Variants in SCAF8 observed in about 807,000 individuals in gnomAD.
The protein encoded by SCAF8 is SR-related CTD associated factor 8, also known as SR-related and CTD-associated factor 8.
SCAF8 carries 23 observed loss-of-function variants against 140.5 expected under a neutral mutation model. The observed-to-expected ratio is 0.16, with a 90% CI of 0.12 to 0.23. The LOEUF (loss-of-function observed/expected upper bound fraction) is 0.23, where lower values mean the gene tolerates loss of function less well. Ranked by LOEUF, SCAF8 falls within the 10% of genes least tolerant of loss-of-function variation. The probability of loss-of-function intolerance (pLI) is 1.00; values close to 1 mark genes in which losing one functional copy is unlikely to be tolerated. For missense variants in SCAF8, 1,397 were observed against 1,555.7 expected (o/e 0.90, Z 1.72); for synonymous variants, 575 against 528.9 (o/e 1.09, Z -1.20).
intron 3 of SCAF8, among the ~76,000 whole-genome samples, chr6:154,779,771 GTGTGTGTGTGTA>G (rs1452828189): frequency 5.5e-4 from 50 of 91,196 alleles, no homozygotes; most frequent in Admixed American, 2.8e-3. Context: ...GTGTGTGTGT[GTGTGTGTGTGTA>G]TATATATATA....
intron 3 of SCAF8, among the ~76,000 whole-genome samples, chr6:154,787,257 G>A (rs1777281947): frequency 6.6e-6 from 1 of 152,250 alleles, no homozygotes. Context: ...TATTTGGAAG[G>A]CTGAGATGGA....
At position 154,796,389 on chromosome 6, in the gene SCAF8, C is replaced by CTCTCTCTCTCTCTCTCTGTCTG. The variant is rs376622207; in HGVS notation, c.606+1253_606+1254insCTCTCTCTCTCTCTGTCTGTCT. 6.5e-3 allele frequency among the ~76,000 whole-genome samples: 921 copies of CTCTCTCTCTCTCTCTCTGTCTG among 140,946 alleles called. 20 individuals are homozygous for CTCTCTCTCTCTCTCTCTGTCTG. The highest frequency in any genetic ancestry group is 0.016 in the East Asian group (74 of 4,500). The allele number at this position is 140,946 out of a possible 152,430, so 92.5% of individuals were successfully genotyped here. A position where few individuals can be genotyped will look rare whatever the true frequency, so the allele number is the denominator to read the frequency against. ...TCTCTCTCTCTCTCTCTCTCTCTCT[C>CTCTCTCTCTCTCTCTCTGTCTG]TCTGTCTCTCTCTTTTTCTGACCCT... On this transcript the variant is annotated intron_variant, in intron 6 of 19. Coordinates refer to ENST00000367178, the MANE Select transcript of SCAF8 (RefSeq NM_014892.5).
chr6:154,766,866 G>C (rs148147385), intron 1 of SCAF8, among the ~76,000 whole-genome samples: 37 of 152,024 alleles, frequency 2.4e-4, no homozygotes, highest in Non-Finnish European at 3.2e-4. Context: ...AGACTTATAT[G>C]ATGTTCTATT....
intron 14 of SCAF8, among the ~76,000 whole-genome samples, chr6:154,819,850 A>G (rs1439655188): frequency 6.6e-6 from 1 of 151,958 alleles, no homozygotes. Flanking sequence ...TTAGTTGGGC[A>G]TGGTGTTGCC....
chr6:154,765,500 C>T (rs781086391), intron 1 of SCAF8, among the ~76,000 whole-genome samples: 3 of 152,114 alleles, frequency 2.0e-5, no homozygotes, highest in South Asian at 4.1e-4. Context: ...ATTTTTGTAT[C>T]CAACGAAACT....
intron 7 of SCAF8, 133 bp downstream of exon 7, chr6:154,802,280 T>G (rs752830311): frequency 3.8e-6 from 2 of 530,632 alleles, no homozygotes; most frequent in Non-Finnish European, 5.8e-6. Context: ...ACAGTCTGAA[T>G]TTTACAAAAG....
intron 3 of SCAF8, among the ~76,000 whole-genome samples, chr6:154,786,323 T>C (rs566828194): frequency 6.6e-6 from 1 of 152,192 alleles, no homozygotes; most frequent in Non-Finnish European, 1.5e-5. Context: ...CTGGGTGACA[T>C]CAGCTGATCC....
At chr6:154,814,301 GAGTGAGACCTGTCTC>G in intron 12 of SCAF8, among the ~76,000 whole-genome samples, 1 of 152,376 alleles carries the variant, frequency 6.6e-6, no homozygotes, top group Non-Finnish European at 1.5e-5. Flanking sequence ...CTGGGCAACA[GAGTGAGACCTGTCTC>G]AGAAACAAAC....
chr6:154,804,231 G>A (rs572625958), intron 8 of SCAF8, among the ~76,000 whole-genome samples: 3 of 152,152 alleles, frequency 2.0e-5, no homozygotes, highest in African/African-American at 7.2e-5. Context: ...TGGGTCTCTT[G>A]TTTCAAACAG....
At chr6:154,781,172 A>G (rs1364065569) in intron 3 of SCAF8, among the ~76,000 whole-genome samples, 7 of 152,172 alleles carry the variant, frequency 4.6e-5, no homozygotes, top group African/African-American at 2.4e-5. Context: ...AAAAATCACA[A>G]GCATTCCTAT....
chr6:154,773,680 C>T (rs1776839056), intron 1 of SCAF8, among the ~76,000 whole-genome samples: 1 of 152,184 alleles, frequency 6.6e-6, no homozygotes, highest in African/African-American at 2.4e-5. Flanking sequence ...TTTTGAGGAA[C>T]TGTCAAGCTG....
chr6:154,771,154 G>C (rs888817251), intron 1 of SCAF8, among the ~76,000 whole-genome samples: 1 of 152,186 alleles, frequency 6.6e-6, no homozygotes, highest in African/African-American at 2.4e-5. Context: ...TCAAGTATTA[G>C]TTAAATAATC....
At chr6:154,733,413 G>A (rs774263315), upstream of SCAF8, 31 of 1,399,886 alleles carry the variant, frequency 2.2e-5, no homozygotes, top group African/African-American at 2.2e-4. Flanking sequence ...ACTCGAGTCC[G>A]CCATATTGGA....
chr6:154,784,120 GATAT>G (rs72135986), intron 3 of SCAF8, among the ~76,000 whole-genome samples: 13,537 of 105,642 alleles, frequency 0.13, 1,117 homozygotes, highest in Non-Finnish European at 0.19. Context: ...GGTGTCTTGA[GATAT>G]ATATATATAT....
Position 154,834,172 on chromosome 6 carries a change from TGTG to T in SCAF8, c.*782_*784del, listed in dbSNP as rs1778832638. 6.6e-6 allele frequency: 1 copy of T among 152,202 alleles called. No individual in the cohort carries two copies. The highest frequency in any genetic ancestry group is 2.4e-5 in the African/African-American group (1 of 41,464). The allele number at this position is 152,202 out of a possible 1,614,324, so 9.4% of individuals were successfully genotyped here. On this transcript the variant is annotated 3_prime_UTR_variant, in exon 20 of 20. Coordinates refer to ENST00000367178, the MANE Select transcript of SCAF8 (RefSeq NM_014892.5). ...TTTCTATCATAACAACAATGAACTA[TGTG>T]GTGGAAAAAGCATGTACTTTGATAT...
At chr6:154,778,768 A>AGTGTGTGTGTGT (rs201081536) in intron 3 of SCAF8, among the ~76,000 whole-genome samples, 5 of 117,470 alleles carry the variant, frequency 4.3e-5, no homozygotes, top group African/African-American at 1.5e-4. Context: ...TGTCTCAAAA[A>AGTGTGTGTGTGT]ATGTGTGTGT....
chr6:154,787,075 C>T (rs1188107638), intron 3 of SCAF8, among the ~76,000 whole-genome samples: 1 of 152,222 alleles, frequency 6.6e-6, no homozygotes. Flanking sequence ...GTAGGGGAGG[C>T]AGGGCACGGT....
chr6:154,809,219 G>A (rs955704178), intron 11 of SCAF8, among the ~76,000 whole-genome samples: 6 of 151,958 alleles, frequency 3.9e-5, no homozygotes, highest in East Asian at 1.9e-4. Context: ...ATACCAAACC[G>A]TTAGGAAACA....
At chr6:154,789,079 A>G (rs1283917339) in intron 4 of SCAF8, among the ~76,000 whole-genome samples, 1 of 152,148 alleles carries the variant, frequency 6.6e-6, no homozygotes, top group Non-Finnish European at 1.5e-5. Context: ...TCAGAAAAAA[A>G]TCTTGTTATA....
Sources: allele counts gnomAD v4.1 joint callset (sites outside exome capture counted in the v4.1 genomes callset), GRCh38; gene constraint gnomAD v4.1.1; transcripts MANE v1.5; gene names NCBI Gene and HGNC (gene_info 2026-07-23, HGNC 2026-07-21).